Variants in SOX5 observed in about 807,000 individuals in gnomAD.
SOX5 encodes transcription factor SOX-5.
A neutral mutation model predicts 92.0 loss-of-function variants in SOX5; 9 were observed. The ratio of observed to expected loss-of-function variants is 0.10; its 90% CI spans 0.06 to 0.17. SOX5 has a LOEUF of 0.17. SOX5 is among the 10% of genes least tolerant of loss of function. The probability of loss-of-function intolerance (pLI) is 1.00; values close to 1 mark genes in which losing one functional copy is unlikely to be tolerated. For synonymous variants in SOX5, 344 were observed against 336.3 expected, an observed-to-expected ratio of 1.02 and a Z score of -0.25; for missense variants, 642 against 944.5, an observed-to-expected ratio of 0.68 and a Z score of 4.20.
intron 2 of SOX5, among the ~76,000 whole-genome samples, chr12:23,884,195 C>T (rs550637188): frequency 2.0e-4 from 30 of 152,218 alleles, no homozygotes; most frequent in African/African-American, 7.0e-4. Context: ...AGGTTAGATG[C>T]CATTTTTATC....
intron 2 of SOX5, among the ~76,000 whole-genome samples, chr12:23,864,333 A>G (rs972194958): frequency 1.3e-5 from 2 of 152,182 alleles, no homozygotes; most frequent in African/African-American, 4.8e-5. Context: ...TATTAACCAT[A>G]CAATGGCCTC....
intron 4 of SOX5, among the ~76,000 whole-genome samples, chr12:24,036,687 T>C (rs908055770): frequency 2.1e-4 from 32 of 152,120 alleles, no homozygotes; most frequent in African/African-American, 7.5e-4. Flanking sequence ...CTAGATGTGA[T>C]TCAAATGCAT....
At chr12:24,475,967 G>A (rs1348917136) in intron 1 of SOX5, among the ~76,000 whole-genome samples, 1 of 147,324 alleles carries the variant, frequency 6.8e-6, no homozygotes, top group Middle Eastern at 3.7e-3. Context: ...GGATGACAGA[G>A]CAAGACCCTG....
chr12:23,697,415 T>C (rs1314433794), intron 6 of SOX5, among the ~76,000 whole-genome samples: 3 of 152,198 alleles, frequency 2.0e-5, no homozygotes, highest in Non-Finnish European at 4.4e-5. Context: ...TGGTATATCT[T>C]TTTGCATTAA....
chr12:23,953,059 T>C (rs1242763044), upstream of SOX5, among the ~76,000 whole-genome samples: 2 of 152,190 alleles, frequency 1.3e-5, no homozygotes, highest in African/African-American at 4.8e-5. Context: ...ATTAAGCTAA[T>C]ACTGTATATG....
At chr12:23,799,982 G>T (rs1448129787) in intron 3 of SOX5, among the ~76,000 whole-genome samples, 1 of 151,932 alleles carries the variant, frequency 6.6e-6, no homozygotes, top group Admixed American at 6.6e-5. Flanking sequence ...AAATGTAAAT[G>T]TTTAAATAAA....
intron 4 of SOX5, among the ~76,000 whole-genome samples, chr12:24,080,280 GA>G (rs1415433104): frequency 6.6e-6 from 1 of 151,800 alleles, no homozygotes; most frequent in East Asian, 1.9e-4. Flanking sequence ...GAACACTTTG[GA>G]AAAATATTTA....
chr12:24,145,348 A>G (rs1412037944), intron 4 of SOX5, among the ~76,000 whole-genome samples: 1 of 152,222 alleles, frequency 6.6e-6, no homozygotes, highest in Admixed American at 6.5e-5. Context: ...GACAATAACA[A>G]CATTAAATGT....
At chr12:23,947,478 C>A (rs925366921) in intron 1 of SOX5, among the ~76,000 whole-genome samples, 1 of 151,800 alleles carries the variant, frequency 6.6e-6, no homozygotes, top group Non-Finnish European at 1.5e-5. Context: ...GAGACACTCA[C>A]CCGTACAAAT....
At chr12:23,713,244 G>C (rs1014502576) in intron 6 of SOX5, among the ~76,000 whole-genome samples, 1 of 152,166 alleles carries the variant, frequency 6.6e-6, no homozygotes, top group Non-Finnish European at 1.5e-5. Flanking sequence ...AGAAGCTAGG[G>C]AGAGGCATGC....
intron 2 of SOX5, among the ~76,000 whole-genome samples, chr12:24,287,977 C>T (rs564165713): frequency 1.3e-5 from 2 of 152,174 alleles, no homozygotes; most frequent in African/African-American, 4.8e-5. Flanking sequence ...TGGAATCCCT[C>T]AAACTATGGA....
intron 4 of SOX5, among the ~76,000 whole-genome samples, chr12:24,195,132 T>C (rs1018954307): frequency 8.8e-6 from 1 of 114,128 alleles, no homozygotes; most frequent in African/African-American, 3.9e-5. Flanking sequence ...TAAAATAAAT[T>C]GTTTGGGAAA....
chr12:24,020,837 T>G (rs1293499095), intron 4 of SOX5, among the ~76,000 whole-genome samples: 1 of 152,178 alleles, frequency 6.6e-6, no homozygotes, highest in Non-Finnish European at 1.5e-5. Flanking sequence ...GGCACAGTCA[T>G]CCTCTCAAAC....
intron 2 of SOX5, among the ~76,000 whole-genome samples, chr12:23,891,105 T>A (rs979737077): frequency 4.6e-5 from 7 of 152,222 alleles, no homozygotes; most frequent in Non-Finnish European, 1.0e-4. Flanking sequence ...AATATATGTA[T>A]ATGTATATAG....
chr12:23,829,758 C>CT (rs1329458856), intron 3 of SOX5, among the ~76,000 whole-genome samples: 2 of 151,978 alleles, frequency 1.3e-5, no homozygotes, highest in Non-Finnish European at 2.9e-5. Flanking sequence ...CAAATAGATT[C>CT]TTTTTTTATT....
intron 2 of SOX5, chr12:24,368,385 T>C (rs1956376935): frequency 6.6e-6 from 1 of 152,238 alleles, no homozygotes; most frequent in Non-Finnish European, 1.5e-5. Context: ...GATTTGGTTA[T>C]ATGAGAAACC....
At chr12:24,032,021 T>C (rs890258950) in intron 4 of SOX5, among the ~76,000 whole-genome samples, 1 of 151,930 alleles carries the variant, frequency 6.6e-6, no homozygotes, top group Admixed American at 6.6e-5. Flanking sequence ...AAAATGCTGT[T>C]ACTATTAGTA....
intron 3 of SOX5, among the ~76,000 whole-genome samples, chr12:24,273,171 A>G (rs1231646500): frequency 1.3e-5 from 2 of 152,218 alleles, no homozygotes; most frequent in Non-Finnish European, 2.9e-5. Context: ...AGGCACAAGA[A>G]TCGCTTGAAC....
chr12:23,776,646 G>A (rs192331833), intron 3 of SOX5, among the ~76,000 whole-genome samples: 3 of 152,158 alleles, frequency 2.0e-5, no homozygotes, highest in Admixed American at 2.0e-4. Context: ...ATGGTGGAAG[G>A]GAGGATAATT....
Sources: gnomAD v4.1 joint callset for allele counts (sites outside exome capture counted in the v4.1 genomes callset) on GRCh38, gnomAD v4.1.1 for gene constraint, MANE v1.5 for transcripts, NCBI Gene and HGNC (gene_info 2026-07-23, HGNC 2026-07-21) for gene names.